PTPRD: variants seen among roughly 807,000 people sequenced by gnomAD.
The protein encoded by PTPRD is receptor-type tyrosine-protein phosphatase delta.
Under a neutral mutation model 214.5 loss-of-function variants are expected in PTPRD, and 34 were observed. The ratio of observed to expected loss-of-function variants is 0.16; its 90% CI spans 0.12 to 0.21. PTPRD has a LOEUF of 0.21. Ranked by LOEUF, PTPRD falls within the 10% of genes least tolerant of loss-of-function variation. The probability of loss-of-function intolerance (pLI) is 1.00; values close to 1 mark genes in which losing one functional copy is unlikely to be tolerated. For synonymous variants in PTPRD, 1,128 were observed against 845.7 expected (o/e 1.33, Z -5.79); for missense variants, 2,545 against 2,398.7 (o/e 1.06, Z -1.27).
chr9:10,278,954 T>C (rs1252038135), intron 3 of PTPRD, among the ~76,000 whole-genome samples: 1 of 152,008 alleles, frequency 6.6e-6, no homozygotes, highest in Non-Finnish European at 1.5e-5. Context: ...TTTTGTATTT[T>C]TAGTAGAGAC....
At chr9:9,844,154 ATTG>A (rs1386263649) in intron 5 of PTPRD, among the ~76,000 whole-genome samples, 1 of 151,810 alleles carries the variant, frequency 6.6e-6, no homozygotes, top group African/African-American at 2.4e-5. Context: ...CCTTAATTTT[ATTG>A]TTTTTTGTCT....
chr9:9,330,011 T>C (rs1035440459), intron 9 of PTPRD, among the ~76,000 whole-genome samples: 2 of 152,124 alleles, frequency 1.3e-5, no homozygotes, highest in African/African-American at 4.8e-5. Context: ...AGAACATTTG[T>C]AGACTAAACA....
rs1945252626 is a variant in PTPRD, at chr9:9,275,488, C to T, written c.-202-92125G>A. ...GGGTGAAACTATTTTCCTGATCTTA[C>T]ATATCTCAGTCTTGGAACCCATGTC... On this transcript the variant is annotated intron_variant, in intron 9 of 45. Transcript: ENST00000381196. Among the ~76,000 whole-genome samples, 4 of 150,910 alleles carry T rather than the reference C, an allele frequency of 2.7e-5. No homozygotes were observed. The Admixed American group carries it at 2.7e-4, about 10-fold the overall frequency.
intron 2 of PTPRD, among the ~76,000 whole-genome samples, chr9:10,401,910 G>T (rs1046940977): frequency 6.0e-5 from 9 of 150,896 alleles, no homozygotes; most frequent in African/African-American, 2.2e-4. Context: ...AATCATATTT[G>T]CCAGTTTATG....
At chr9:9,325,703 G>C (rs1969698990) in intron 9 of PTPRD, among the ~76,000 whole-genome samples, 1 of 152,096 alleles carries the variant, frequency 6.6e-6, no homozygotes, top group Admixed American at 6.6e-5. Flanking sequence ...CTGCCTGATT[G>C]CCCTGGCCAG....
At chr9:10,559,201 C>T (rs767547516) in intron 2 of PTPRD, among the ~76,000 whole-genome samples, 5 of 152,052 alleles carry the variant, frequency 3.3e-5, no homozygotes, top group Non-Finnish European at 7.4e-5. Flanking sequence ...GATGGAAAAA[C>T]CTATCTTAAG....
At chr9:10,500,608 A>C (rs1422136843) in intron 2 of PTPRD, among the ~76,000 whole-genome samples, 1 of 151,876 alleles carries the variant, frequency 6.6e-6, no homozygotes, top group African/African-American at 2.4e-5. Flanking sequence ...TATTTACTAT[A>C]GTCACTCTGT....
chr9:10,405,045 T>G lies in PTPRD; in HGVS notation c.-599-64028A>C, dbSNP rs1175420880. Reference sequence around the variant, plus strand: ...AGACTGATGTAATTTCATCCCTTCTTGCTTGTGAACAATCAGAAGAGCAAT... The same window carrying G: ...AGACTGATGTAATTTCATCCCTTCTGGCTTGTGAACAATCAGAAGAGCAAT... On this transcript the variant is annotated intron_variant, in intron 2 of 45. Transcript: ENST00000381196. Among the ~76,000 whole-genome samples the G allele has an allele frequency of 3.0e-4, 2 of 6,624 alleles. 1 individual carries two copies. Among genetic ancestry groups the G allele is most frequent in the Non-Finnish European group, 1.3e-3 (2 of 1,500 alleles). The allele number at this position is 6,624 out of a possible 152,430, so 4.3% of individuals were successfully genotyped here. A position where few individuals can be genotyped will look rare whatever the true frequency, so the allele number is the denominator to read the frequency against.
At chr9:9,116,041 G>A (rs1569546451) in intron 10 of PTPRD, among the ~76,000 whole-genome samples, 1 of 152,128 alleles carries the variant, frequency 6.6e-6, no homozygotes, top group East Asian at 1.9e-4. Flanking sequence ...CATGAAGATG[G>A]GAACAACAGA....
intron 8 of PTPRD, among the ~76,000 whole-genome samples, chr9:9,541,675 C>A (rs187048845): frequency 6.6e-6 from 1 of 151,880 alleles, no homozygotes; most frequent in East Asian, 1.9e-4. Flanking sequence ...AAACATTTCC[C>A]CAAAGGCATT....
chr9:9,084,436 C>T (rs556251408), intron 10 of PTPRD, among the ~76,000 whole-genome samples: 11 of 152,058 alleles, frequency 7.2e-5, no homozygotes, highest in South Asian at 2.1e-4. Flanking sequence ...ATAGTATTAG[C>T]GGAAATAACT....
At chr9:9,416,769 G>C (rs1323038955) in intron 8 of PTPRD, among the ~76,000 whole-genome samples, 1 of 152,038 alleles carries the variant, frequency 6.6e-6, no homozygotes, top group Admixed American at 6.6e-5. Context: ...ACACTACTTG[G>C]CCCGATGACT....
At chr9:8,684,545 G>C (rs1366897603) in intron 12 of PTPRD, among the ~76,000 whole-genome samples, 1 of 152,008 alleles carries the variant, frequency 6.6e-6, no homozygotes, top group Non-Finnish European at 1.5e-5. Context: ...ATAGTACTGG[G>C]CTCAGTAAAA....
chr9:10,390,045 G>A (rs1168426865), intron 2 of PTPRD, among the ~76,000 whole-genome samples: 3 of 151,672 alleles, frequency 2.0e-5, no homozygotes, highest in Non-Finnish European at 2.9e-5. Flanking sequence ...ACTTTACATG[G>A]CTCACAATTG....
intron 4 of PTPRD, among the ~76,000 whole-genome samples, chr9:9,965,887 A>G (rs143004267): frequency 1.1e-3 from 168 of 152,346 alleles, no homozygotes; most frequent in African/African-American, 3.9e-3. Flanking sequence ...GCATATTAGC[A>G]TGTCTCTTTC....
At chr9:8,380,203 G>C (rs1285635338) in intron 37 of PTPRD, among the ~76,000 whole-genome samples, 6 of 152,144 alleles carry the variant, frequency 3.9e-5, no homozygotes, top group African/African-American at 1.4e-4. Context: ...CAAGGTGTTA[G>C]CAGTTGTGGG....
intron 11 of PTPRD, among the ~76,000 whole-genome samples, chr9:8,850,763 A>G (rs745812079): frequency 3.9e-5 from 6 of 152,216 alleles, no homozygotes; most frequent in Non-Finnish European, 8.8e-5. Context: ...TTCTCTAATA[A>G]TATTTCAGTT....
chr9:10,433,182 G>C (rs2098694560), intron 2 of PTPRD, among the ~76,000 whole-genome samples: 1 of 151,724 alleles, frequency 6.6e-6, no homozygotes. Context: ...CATATGGAAA[G>C]AGACCTTATT....
intron 35 of PTPRD, among the ~76,000 whole-genome samples, chr9:8,423,755 T>C (rs10977081): frequency 0.066 from 10,085 of 152,126 alleles, 468 homozygotes; most frequent in African/African-American, 0.14. Context: ...AACAAGTCAA[T>C]ACCAACTATC....
Sources: allele counts gnomAD v4.1 joint callset (sites outside exome capture counted in the v4.1 genomes callset), GRCh38; gene constraint gnomAD v4.1.1; transcripts MANE v1.5; gene names NCBI Gene and HGNC (gene_info 2026-07-23, HGNC 2026-07-21).